The following GRIN2B variants were observed in gnomAD, a reference collection of about 807,000 sequenced individuals.
GRIN2B encodes the protein glutamate receptor ionotropic, NMDA 2B.
In GRIN2B, 5 loss-of-function variants were observed where a neutral mutation model predicts 114.5. The observed-to-expected ratio is 0.04, with a 90% CI of 0.02 to 0.09. The LOEUF is 0.09. GRIN2B is among the 10% of genes least tolerant of loss of function. GRIN2B has a pLI of 1.00. For missense variants in GRIN2B, 1,108 were observed against 1,943.5 expected, an observed-to-expected ratio of 0.57 and a Z score of 8.08; for synonymous variants, 787 against 745.1, an observed-to-expected ratio of 1.06 and a Z score of -0.92.
chr12:13,907,157 C>T (rs917100019), intron 2 of GRIN2B, among the ~76,000 whole-genome samples: 2 of 152,082 alleles, frequency 1.3e-5, no homozygotes, highest in Non-Finnish European at 2.9e-5. Flanking sequence ...TCATTATATA[C>T]AACAATATGA....
rs76137998 is a variant in GRIN2B, at chr12:13,837,245, C to T, written c.411+28553G>A. ...GAAATCACACCTCTCCCACAAAACA[C>T]ACCCTCTCTTGGCCCTATCTCCTCC... On this transcript the variant is annotated intron_variant, in intron 3 of 13. Coordinates refer to ENST00000609686, the MANE Select transcript of GRIN2B (RefSeq NM_000834.5). Among the ~76,000 whole-genome samples the T allele has an allele frequency of 2.8e-3, 431 of 152,314 alleles. 3 individuals carry two copies. The highest frequency in any genetic ancestry group is 1.0e-2 in the African/African-American group (415 of 41,584).
intron 2 of GRIN2B, among the ~76,000 whole-genome samples, chr12:13,940,757 CT>C (rs1465561421): frequency 6.6e-6 from 1 of 152,080 alleles, no homozygotes; most frequent in Non-Finnish European, 1.5e-5. Flanking sequence ...TTACATTTCA[CT>C]AAAATCCTAG....
chr12:13,795,987 C>A (rs1042796682), intron 3 of GRIN2B, among the ~76,000 whole-genome samples: 8 of 150,440 alleles, frequency 5.3e-5, no homozygotes, highest in African/African-American at 2.0e-4. Context: ...ATGTAAATGA[C>A]GAGTTAATGG....
intron 4 of GRIN2B, among the ~76,000 whole-genome samples, chr12:13,688,984 A>T (rs1046550840): frequency 6.6e-6 from 1 of 152,158 alleles, no homozygotes; most frequent in African/African-American, 2.4e-5. Flanking sequence ...ATGCTATGTT[A>T]TCTTAGTTCT....
At position 13,835,325 on chromosome 12, in the gene GRIN2B, G is replaced by A. The variant is rs150677337; in HGVS notation, c.411+30473C>T. Reference sequence around the variant, plus strand: ...TGAGTGGTACAGAAAAAGCTGAGGCGCATGCACCCTCATTTATCCTGAATC... The same window carrying A: ...TGAGTGGTACAGAAAAAGCTGAGGCACATGCACCCTCATTTATCCTGAATC... On this transcript the variant is annotated intron_variant, in intron 3 of 13. Transcript: ENST00000609686. 8.6e-3 allele frequency among the ~76,000 whole-genome samples: 1,306 copies of A among 152,224 alleles called. 19 individuals are homozygous for A. Among genetic ancestry groups the A allele is most frequent in the African/African-American group, 0.031 (1,271 of 41,514 alleles).
chr12:13,616,037 T>C (rs1949435254), intron 6 of GRIN2B, among the ~76,000 whole-genome samples: 1 of 152,156 alleles, frequency 6.6e-6, no homozygotes, highest in Admixed American at 6.5e-5. Flanking sequence ...TTTCCCACTC[T>C]AGGCACTTCA....
Position 13,882,883 on chromosome 12 carries a change from A to G in GRIN2B, c.-18-16657T>C, listed in dbSNP as rs545736973. 8.6e-4 allele frequency among the ~76,000 whole-genome samples: 131 copies of G among 152,320 alleles called. 2 individuals are homozygous for G. The highest frequency in any genetic ancestry group is 3.0e-3 in the African/African-American group (126 of 41,552). ...CATAACCAAGATATAAAATATTTCC[A>G]TCACCCCAAATATTTCCGTGTTCCT... On this transcript the variant is annotated intron_variant, in intron 2 of 13. Transcript: ENST00000609686.
Position 13,543,394 on chromosome 12 carries a change from C to G in GRIN2B, c.*19389G>C, listed in dbSNP as rs1948306340. On this transcript the variant is annotated 3_prime_UTR_variant, in exon 14 of 14. Transcript: ENST00000609686. Reference sequence around the variant, plus strand: ...AATATGCTTCATTGTTCCTCCTTCCCTAAAAATCCTCACTTTCCTCTACAC... The same window carrying G: ...AATATGCTTCATTGTTCCTCCTTCCGTAAAAATCCTCACTTTCCTCTACAC... 1 of 152,220 alleles carries G rather than the reference C, an allele frequency of 6.6e-6. No homozygotes were observed. Among genetic ancestry groups the G allele is most frequent in the African/African-American group, 2.4e-5 (1 of 41,404 alleles). The allele number at this position is 152,220 out of a possible 1,614,324, so 9.4% of individuals were successfully genotyped here.
intron 10 of GRIN2B, among the ~76,000 whole-genome samples, chr12:13,588,139 G>A (rs1011301419): frequency 7.2e-5 from 11 of 152,172 alleles, no homozygotes; most frequent in African/African-American, 2.7e-4. Flanking sequence ...TCTGAAATGT[G>A]CATCTCATGT....
chr12:13,843,916 C>T (rs1477815821), intron 3 of GRIN2B, among the ~76,000 whole-genome samples: 1 of 152,148 alleles, frequency 6.6e-6, no homozygotes, highest in Non-Finnish European at 1.5e-5. Context: ...GTTTAATACT[C>T]ATTTTAATAC....
At chr12:13,568,314 G>C (rs778441529) in intron 12 of GRIN2B, among the ~76,000 whole-genome samples, 1 of 152,138 alleles carries the variant, frequency 6.6e-6, no homozygotes, top group African/African-American at 2.4e-5. Context: ...AAATCTCATG[G>C]AGAAAATTGC....
intron 10 of GRIN2B, among the ~76,000 whole-genome samples, chr12:13,578,450 G>A (rs553508080): frequency 6.2e-4 from 94 of 152,212 alleles, no homozygotes; most frequent in African/African-American, 2.2e-3. Context: ...TCCACCTATA[G>A]GTGCTCCCAT....
At chr12:13,880,521 C>T (rs572715833) in intron 2 of GRIN2B, among the ~76,000 whole-genome samples, 3 of 152,176 alleles carry the variant, frequency 2.0e-5, no homozygotes, top group African/African-American at 7.2e-5. Context: ...GAAACCGCAG[C>T]TGCCTCTGAG....
chr12:13,556,806 T>A lies in GRIN2B; in HGVS notation c.*5977A>T, dbSNP rs1160906597. On this transcript the variant is annotated 3_prime_UTR_variant, in exon 14 of 14. Transcript: ENST00000609686. Reference sequence around the variant, plus strand: ...CACATAATCACCCCAGCAATTATATTCAAAGCATGAAGCAGCTCCAGAAAC... The same window carrying A: ...CACATAATCACCCCAGCAATTATATACAAAGCATGAAGCAGCTCCAGAAAC... 2.0e-5 allele frequency: 3 copies of A among 152,176 alleles called. No individual in the cohort carries two copies. The highest frequency in any genetic ancestry group is 2.9e-5 in the Non-Finnish European group (2 of 68,028). 9.4% of individuals were successfully genotyped at this position (152,176 alleles called of 1,614,324 possible).
At position 13,728,283 on chromosome 12, in the gene GRIN2B, G is replaced by T. The variant is rs552131909; in HGVS notation, c.1010+25034C>A. Reference sequence around the variant, plus strand: ...GTGGTTGGGTAGGACTAACTTTGGGGTATGGGAACCAATAAACTTTTAGGG... The same window carrying T: ...GTGGTTGGGTAGGACTAACTTTGGGTTATGGGAACCAATAAACTTTTAGGG... On this transcript the variant is annotated intron_variant, in intron 4 of 13. Transcript: ENST00000609686. Among the ~76,000 whole-genome samples the T allele has an allele frequency of 6.4e-4, 97 of 152,216 alleles. 3 individuals are homozygous for T. The South Asian group carries it at 0.02, about 31-fold the overall frequency.
chr12:13,810,339 C>T (rs2136683300), intron 3 of GRIN2B, among the ~76,000 whole-genome samples: 1 of 152,006 alleles, frequency 6.6e-6, no homozygotes, highest in East Asian at 1.9e-4. Flanking sequence ...CCTCAGCCTC[C>T]TGAGTAGCGG....
Position 13,563,179 on chromosome 12 carries a change from CTTG to C in GRIN2B, c.4056_4058del (p.Asn1352del), listed in dbSNP as rs761812510. On this transcript the variant is annotated inframe_deletion, in exon 14 of 14. Transcript: ENST00000609686. ...GATGTCCGGCAGTGGGCACTGAGGA[CTTG>C]TTGTTGGCAAAGGTGCTCTCGCCAG... 25 of 1,614,090 alleles carry C rather than the reference CTTG, an allele frequency of 1.5e-5. No individual in the cohort carries two copies. Among genetic ancestry groups the C allele is most frequent in the African/African-American group, 5.3e-5 (4 of 74,936 alleles).
chr12:13,811,405 G>C (rs1864726724), intron 3 of GRIN2B, among the ~76,000 whole-genome samples: 1 of 152,150 alleles, frequency 6.6e-6, no homozygotes, highest in Non-Finnish European at 1.5e-5. Context: ...GCAACATAGA[G>C]AGACCTCAAC....
intron 4 of GRIN2B, chr12:13,683,652 G>C (rs1950150965): frequency 6.4e-6 from 1 of 156,854 alleles, no homozygotes; most frequent in African/African-American, 2.4e-5. Context: ...ACTACTCCAT[G>C]TGCATCCGTC....
Sources: gnomAD v4.1 joint callset for allele counts (sites outside exome capture counted in the v4.1 genomes callset) on GRCh38, gnomAD v4.1.1 for gene constraint, MANE v1.5 for transcripts, NCBI Gene and HGNC (gene_info 2026-07-23, HGNC 2026-07-21) for gene names.